Variants in TBC1D5 observed in about 807,000 individuals in gnomAD.
The protein encoded by TBC1D5 is TBC1 domain family member 5, also known as TBC1 domain family, member 5.
In TBC1D5, 75 loss-of-function variants were observed where a neutral mutation model predicts 100.3. The observed-to-expected ratio is 0.75, with a 90% CI of 0.62 to 0.91. TBC1D5 has a LOEUF of 0.91. TBC1D5 is among the 40% of genes least tolerant of loss of function. The pLI is 0.00. For missense variants in TBC1D5, 910 were observed against 942.4 expected (o/e 0.97, Z 0.45); for synonymous variants, 323 against 325.6 (o/e 0.99, Z 0.09).
chr3:17,659,739 T>C (rs1214928505), intron 1 of TBC1D5, among the ~76,000 whole-genome samples: 1 of 152,124 alleles, frequency 6.6e-6, no homozygotes, highest in Non-Finnish European at 1.5e-5. Context: ...TGCTCCAATA[T>C]TACCTGAGGA....
intron 13 of TBC1D5, among the ~76,000 whole-genome samples, chr3:17,310,376 A>G (rs1450178456): frequency 2.6e-5 from 4 of 152,214 alleles, no homozygotes; most frequent in African/African-American, 7.2e-5. Flanking sequence ...ATTATCTACA[A>G]TGTGCTGCTT....
intron 1 of TBC1D5, chr3:17,705,931 C>T: frequency 1.8e-6 from 2 of 1,125,698 alleles, no homozygotes; most frequent in Non-Finnish European, 2.5e-6. Flanking sequence ...CGGGGCCCGT[C>T]CGCTCCTCCA....
intron 19 of TBC1D5, among the ~76,000 whole-genome samples, chr3:17,170,425 A>C (rs1159939236): frequency 6.6e-6 from 1 of 152,184 alleles, no homozygotes; most frequent in Admixed American, 6.5e-5. Context: ...TGGAGGTCAT[A>C]TCCATAGGGC....
At chr3:17,297,270 G>A (rs1325202946) in intron 14 of TBC1D5, among the ~76,000 whole-genome samples, 2 of 152,236 alleles carry the variant, frequency 1.3e-5, no homozygotes, top group Non-Finnish European at 2.9e-5. Context: ...CAAATGAGAT[G>A]ATATAGCGTA....
At chr3:17,579,992 A>G (rs886484905) in intron 2 of TBC1D5, among the ~76,000 whole-genome samples, 1 of 152,174 alleles carries the variant, frequency 6.6e-6, no homozygotes, top group African/African-American at 2.4e-5. Flanking sequence ...AGAAATATGA[A>G]TCATAAAGAA....
intron 19 of TBC1D5, among the ~76,000 whole-genome samples, chr3:17,175,310 A>ATAAG (rs199589267): frequency 1.3e-5 from 2 of 151,758 alleles, no homozygotes; most frequent in African/African-American, 4.8e-5. Context: ...CTTGAGGCCA[A>ATAAG]TAGTTCTCTT....
At chr3:17,645,030 T>G (rs559064436) in intron 1 of TBC1D5, among the ~76,000 whole-genome samples, 1 of 152,080 alleles carries the variant, frequency 6.6e-6, no homozygotes, top group East Asian at 1.9e-4. Context: ...ACTGGGGAAG[T>G]TGTGGTAGTC....
intron 3 of TBC1D5, among the ~76,000 whole-genome samples, chr3:17,497,115 C>T (rs2095718773): frequency 6.6e-6 from 1 of 151,464 alleles, no homozygotes; most frequent in African/African-American, 2.4e-5. Context: ...CACACACACA[C>T]ACACACACAC....
intron 1 of TBC1D5, among the ~76,000 whole-genome samples, chr3:17,724,479 T>C (rs921151142): frequency 6.6e-6 from 1 of 152,196 alleles, no homozygotes; most frequent in African/African-American, 2.4e-5. Flanking sequence ...TAGTCAGCTA[T>C]CATTGTAACT....
chr3:17,173,561 C>T (rs2067378091), intron 19 of TBC1D5, among the ~76,000 whole-genome samples: 2 of 152,154 alleles, frequency 1.3e-5, no homozygotes, highest in Admixed American at 1.3e-4. Flanking sequence ...TAATACCCAT[C>T]TCAGAAGGTT....
intron 3 of TBC1D5, among the ~76,000 whole-genome samples, chr3:17,504,485 G>C (rs1243685706): frequency 2.0e-5 from 3 of 152,020 alleles, no homozygotes; most frequent in Non-Finnish European, 4.4e-5. Context: ...ATTATATATT[G>C]TTGAATGCTC....
At chr3:17,388,303 C>A (rs1221034521) in intron 8 of TBC1D5, among the ~76,000 whole-genome samples, 1 of 151,836 alleles carries the variant, frequency 6.6e-6, no homozygotes, top group African/African-American at 2.4e-5. Flanking sequence ...TGAAATAAAC[C>A]AAAATTGGTA....
chr3:17,570,913 A>T (rs1386455497), intron 2 of TBC1D5, among the ~76,000 whole-genome samples: 3 of 151,968 alleles, frequency 2.0e-5, no homozygotes, highest in African/African-American at 7.2e-5. Flanking sequence ...ATACTGCTAC[A>T]TTTCCTTAAT....
At chr3:17,723,948 T>C (rs961322672) in intron 1 of TBC1D5, among the ~76,000 whole-genome samples, 3 of 152,158 alleles carry the variant, frequency 2.0e-5, no homozygotes, top group African/African-American at 7.2e-5. Context: ...AGAAAATATA[T>C]CTATCTATAC....
intron 1 of TBC1D5, among the ~76,000 whole-genome samples, chr3:17,696,708 T>C (rs2072165908): frequency 6.6e-6 from 1 of 152,198 alleles, no homozygotes; most frequent in Admixed American, 6.5e-5. Context: ...CTTCTGAAAG[T>C]ATTCCAATCA....
chr3:17,565,186 TAGG>T (rs1299179893), intron 2 of TBC1D5, among the ~76,000 whole-genome samples: 2 of 152,142 alleles, frequency 1.3e-5, no homozygotes, highest in African/African-American at 4.8e-5. Context: ...TGTATATCAC[TAGG>T]AGGTCAATCC....
At chr3:17,262,429 AT>A (rs2149491485) in intron 15 of TBC1D5, among the ~76,000 whole-genome samples, 1 of 150,812 alleles carries the variant, frequency 6.6e-6, no homozygotes, top group South Asian at 2.1e-4. Flanking sequence ...TTTTAAACTC[AT>A]TTTGACACAG....
At chr3:17,313,974 G>A (rs796917817) in intron 13 of TBC1D5, among the ~76,000 whole-genome samples, 24 of 152,196 alleles carry the variant, frequency 1.6e-4, no homozygotes, top group African/African-American at 5.8e-4. Context: ...GTTATCACTG[G>A]CCCTCTCTTC....
In TBC1D5 at chr3:17,209,678, A is replaced by G. The variant is rs74812366; in HGVS notation, c.1752+4529T>C. 4.4e-3 allele frequency among the ~76,000 whole-genome samples: 663 copies of G among 152,320 alleles called. 7 individuals carry two copies. Among genetic ancestry groups the G allele is most frequent in the African/African-American group, 0.015 (626 of 41,570 alleles). On this transcript the variant is annotated intron_variant, in intron 18 of 21. Coordinates refer to ENST00000253692, the Ensembl canonical transcript of TBC1D5. The stretch of plus-strand genomic sequence containing the variant: ...TCCCAGCTCAGTTATAAGGTTTATC[A>G]TAACCTTTCTTTCTTTTCCTACACA...
Sources: gnomAD v4.1 joint callset for allele counts (sites outside exome capture counted in the v4.1 genomes callset) on GRCh38, gnomAD v4.1.1 for gene constraint, MANE v1.5 for transcripts, NCBI Gene and HGNC (gene_info 2026-07-23, HGNC 2026-07-21) for gene names.